CCDC93: variants seen among roughly 807,000 people sequenced by gnomAD.
The protein encoded by CCDC93 is CCC complex scaffolding subunit CCDC93.
CCDC93 carries 61 observed loss-of-function variants against 108.2 expected under a neutral mutation model. The ratio of observed to expected loss-of-function variants is 0.56; its 90% confidence interval spans 0.46 to 0.70. CCDC93 has a LOEUF of 0.70. CCDC93 is among the 30% of genes least tolerant of loss of function. The pLI is 0.00. For synonymous variants in CCDC93, 276 were observed against 260.4 expected, an observed-to-expected ratio of 1.06 and a Z score of -0.58; for missense variants, 685 against 764.2, an observed-to-expected ratio of 0.90 and a Z score of 1.22.
At chr2:117,940,588 C>T (rs544000577) in intron 19 of CCDC93, among the ~76,000 whole-genome samples, 2 of 152,310 alleles carry the variant, frequency 1.3e-5, no homozygotes, top group Non-Finnish European at 2.9e-5. Context: ...AGAGAAGTGA[C>T]AGAATCAGAT....
intron 2 of CCDC93, 140 bp downstream of exon 2, chr2:118,008,405 A>G (rs1676934695): frequency 3.3e-6 from 2 of 613,444 alleles, no homozygotes; most frequent in Non-Finnish European, 5.8e-6. Flanking sequence ...GAACACTTCC[A>G]TAATGAATCT....
chr2:117,996,470 C>G, intron 4 of CCDC93, 108 bp from the exon 5 acceptor site: 1 of 726,478 alleles, frequency 1.4e-6, no homozygotes, highest in Non-Finnish European at 2.5e-6. Context: ...CATAGTTGAA[C>G]TGACTAGGTG....
chr2:117,946,888 A>G lies in CCDC93; in HGVS notation c.1225-6T>C. On this transcript the variant is annotated splice_region_variant and splice_polypyrimidine_tract_variant and intron_variant, in intron 15 of 23. Coordinates refer to ENST00000376300, the MANE Select transcript of CCDC93 (RefSeq NM_019044.5). ...TGTAGTCGTGTCATCTCCTCCTTTA[A>G]AAGTGACATGAACTTTTACAAAATT... The G allele has an allele frequency of 6.2e-7, 1 of 1,607,946 alleles. No individual in the cohort carries two copies. The highest frequency in any genetic ancestry group is 1.3e-5 in the African/African-American group (1 of 74,896).
chr2:117,919,320 T>C lies in CCDC93; in HGVS notation c.*1023A>G, dbSNP rs1677787166. On this transcript the variant is annotated 3_prime_UTR_variant, in exon 24 of 24. Coordinates refer to ENST00000376300, the MANE Select transcript of CCDC93 (RefSeq NM_019044.5). ...CTGCACTCTCTTGGGTTTTTAATCA[T>C]AGTGTATTTTCATTTAAAACAGTCT... 2 of 152,180 alleles carry C rather than the reference T, an allele frequency of 1.3e-5. No individual in the cohort carries two copies. The highest frequency in any genetic ancestry group is 4.1e-4 in the South Asian group (2 of 4,832). 9.4% of individuals were successfully genotyped at this position (152,180 alleles called of 1,614,324 possible).
At chr2:117,945,604 A>G in intron 16 of CCDC93, 22 bp from the exon 17 acceptor site, 10 of 1,607,794 alleles carry the variant, frequency 6.2e-6, no homozygotes, top group Non-Finnish European at 8.5e-6. Context: ...AAAACATAAT[A>G]AACACCTCTC....
intron 19 of CCDC93, among the ~76,000 whole-genome samples, chr2:117,940,199 C>T (rs190889627): frequency 6.6e-6 from 1 of 152,134 alleles, no homozygotes; most frequent in East Asian, 1.9e-4. Context: ...GTAGGAGGGC[C>T]GAATTCAATT....
intron 8 of CCDC93, among the ~76,000 whole-genome samples, chr2:117,976,507 A>G (rs1454077433): frequency 2.0e-5 from 3 of 152,226 alleles, no homozygotes; most frequent in Non-Finnish European, 2.9e-5. Context: ...CATCATAATC[A>G]GTACATGACT....
intron 18 of CCDC93, among the ~76,000 whole-genome samples, chr2:117,941,518 C>G (rs1228128258): frequency 6.6e-6 from 1 of 152,056 alleles, no homozygotes; most frequent in Non-Finnish European, 1.5e-5. Flanking sequence ...AACTGAATCA[C>G]AGAAGGCACC....
intron 3 of CCDC93, among the ~76,000 whole-genome samples, chr2:118,003,090 T>C (rs943304999): frequency 6.6e-6 from 1 of 152,154 alleles, no homozygotes; most frequent in Non-Finnish European, 1.5e-5. Flanking sequence ...TTCATGCAGC[T>C]CTCAGCCACT....
intron 12 of CCDC93, among the ~76,000 whole-genome samples, chr2:117,956,392 G>A (rs1355529403): frequency 6.6e-6 from 1 of 152,214 alleles, no homozygotes. Flanking sequence ...AGTCAAGACT[G>A]CCATTTGTGT....
At chr2:117,983,630 TTATATATATATA>T (rs66879401) in intron 7 of CCDC93, among the ~76,000 whole-genome samples, 414 of 98,526 alleles carry the variant, frequency 4.2e-3, no homozygotes, top group African/African-American at 0.013. Flanking sequence ...CTGCTCAAAA[TTATATATATATA>T]TATATATATA....
intron 1 of CCDC93, among the ~76,000 whole-genome samples, chr2:118,009,889 T>C (rs1454966696): frequency 6.6e-6 from 1 of 152,096 alleles, no homozygotes; most frequent in Non-Finnish European, 1.5e-5. Flanking sequence ...CTAATATATG[T>C]ATATCAGTAT....
chr2:118,000,519 T>C (rs569160218), intron 4 of CCDC93, among the ~76,000 whole-genome samples: 17 of 152,226 alleles, frequency 1.1e-4, no homozygotes, highest in Middle Eastern at 3.4e-3. Flanking sequence ...TCAAGCTGGA[T>C]AGGTCAAAAG....
Position 117,915,939 on chromosome 2 carries a change from C to G in CCDC93, c.*4404G>C, listed in dbSNP as rs1262738004. 1.3e-5 allele frequency: 2 copies of G among 152,204 alleles called. No individual in the cohort carries two copies. The highest frequency in any genetic ancestry group is 3.9e-4 in the East Asian group (2 of 5,192). The allele number at this position is 152,204 out of a possible 1,614,324, so 9.4% of individuals were successfully genotyped here. ...TCTACAAACTATTCCATTGTTTAAG[C>G]TGGCCATAATGTATTTAACCATTCC... On this transcript the variant is annotated 3_prime_UTR_variant, in exon 24 of 24. Coordinates refer to ENST00000376300, the MANE Select transcript of CCDC93 (RefSeq NM_019044.5).
At chr2:117,976,642 G>A (rs1165750249) in intron 8 of CCDC93, among the ~76,000 whole-genome samples, 1 of 152,158 alleles carries the variant, frequency 6.6e-6, no homozygotes, top group African/African-American at 2.4e-5. Context: ...TACAATGACT[G>A]CCCCCATTTT....
intron 2 of CCDC93, among the ~76,000 whole-genome samples, chr2:118,007,561 C>T (rs1325116557): frequency 6.6e-6 from 1 of 152,118 alleles, no homozygotes; most frequent in East Asian, 1.9e-4. Context: ...CCCAGCTACT[C>T]GGGAGGCTGA....
rs1397109186 is a variant in CCDC93, at chr2:117,919,841, C to A, written c.*502G>T. On this transcript the variant is annotated 3_prime_UTR_variant, in exon 24 of 24. Coordinates refer to ENST00000376300, the MANE Select transcript of CCDC93 (RefSeq NM_019044.5). ...ATTTCAGCTAAATGCCTTCTGTTTACTGAAAAACATCTTGGATAGCCCAGT... is the reference window on the plus strand; with the variant it reads ...ATTTCAGCTAAATGCCTTCTGTTTAATGAAAAACATCTTGGATAGCCCAGT... 1 of 152,456 alleles carries A rather than the reference C, an allele frequency of 6.6e-6. No homozygotes were observed. The highest frequency in any genetic ancestry group is 6.5e-5 in the Admixed American group (1 of 15,286). The allele number at this position is 152,456 out of a possible 1,614,324, so 9.4% of individuals were successfully genotyped here. A position where few individuals can be genotyped will look rare whatever the true frequency, so the allele number is the denominator to read the frequency against.
intron 22 of CCDC93, among the ~76,000 whole-genome samples, chr2:117,933,514 A>G (rs1487640583): frequency 6.6e-6 from 1 of 152,086 alleles, no homozygotes; most frequent in Non-Finnish European, 1.5e-5. Flanking sequence ...ATGCTGACTG[A>G]TATGTGACCT....
Position 117,931,023 on chromosome 2 carries a change from A to G in CCDC93, c.1842+14T>C. On this transcript the variant is annotated intron_variant, in intron 23 of 23. Coordinates refer to ENST00000376300, the MANE Select transcript of CCDC93 (RefSeq NM_019044.5). ...TCACGTTAGCCTTAATGTGCTACCC[A>G]GCCTTCCTCTTACCTCCTTGAACTC... The G allele has an allele frequency of 1.3e-6, 2 of 1,539,468 alleles. No homozygotes were observed. The highest frequency in any genetic ancestry group is 2.3e-5 in the South Asian group (2 of 87,916).
Sources: allele counts gnomAD v4.1 joint callset (sites outside exome capture counted in the v4.1 genomes callset), GRCh38; gene constraint gnomAD v4.1.1; transcripts MANE v1.5; gene names NCBI Gene and HGNC (gene_info 2026-07-23, HGNC 2026-07-21).